Variants in CDKAL1 observed in about 807,000 individuals in gnomAD.
CDKAL1 encodes CDKAL1 threonylcarbamoyladenosine tRNA methylthiotransferase, also known as threonylcarbamoyladenosine tRNA methylthiotransferase.
Under a neutral mutation model 68.2 loss-of-function variants are expected in CDKAL1, and 32 were observed. That is an observed-to-expected ratio of 0.47 (90% CI 0.35 to 0.63). The LOEUF is 0.63. CDKAL1 is among the 30% of genes least tolerant of loss of function. CDKAL1 has a pLI of 0.00. For synonymous variants in CDKAL1, 234 were observed against 244.3 expected (o/e 0.96, Z 0.39); for missense variants, 606 against 696.7 (o/e 0.87, Z 1.47).
chr6:20,890,737 TG>T (rs1339441561), intron 9 of CDKAL1, among the ~76,000 whole-genome samples: 1 of 152,192 alleles, frequency 6.6e-6, no homozygotes. Context: ...TTTTAATTAG[TG>T]CATCAGGCGA....
intron 7 of CDKAL1, among the ~76,000 whole-genome samples, chr6:20,772,173 T>C (rs1293808761): frequency 2.6e-5 from 4 of 152,250 alleles, no homozygotes; most frequent in Admixed American, 6.5e-5. Flanking sequence ...GAAATCGTTA[T>C]GTTCTGTATT....
At chr6:20,638,552 T>G (rs1418209051) in intron 4 of CDKAL1, among the ~76,000 whole-genome samples, 3 of 152,114 alleles carry the variant, frequency 2.0e-5, no homozygotes, top group African/African-American at 4.8e-5. Flanking sequence ...ATTTGGTGTT[T>G]ATATAGGCTC....
chr6:20,688,941 G>A (rs1770752109), intron 5 of CDKAL1, among the ~76,000 whole-genome samples: 1 of 152,188 alleles, frequency 6.6e-6, no homozygotes, highest in African/African-American at 2.4e-5. Context: ...CAGTCCTTTA[G>A]TAAGCCTGTG....
At chr6:20,967,445 ACT>A (rs1354424706) in intron 10 of CDKAL1, among the ~76,000 whole-genome samples, 5 of 151,998 alleles carry the variant, frequency 3.3e-5, no homozygotes, top group South Asian at 2.1e-4. Flanking sequence ...AATTTATAAC[ACT>A]CTTATTTTGA....
At position 20,637,485 on chromosome 6, in the gene CDKAL1, C is replaced by A. The variant is rs566098284; in HGVS notation, c.287-11808C>A. Among the ~76,000 whole-genome samples the A allele has an allele frequency of 6.6e-5, 10 of 152,076 alleles. No individual in the cohort carries two copies. In the East Asian group the frequency reaches 1.9e-3, roughly 29 times the overall value. ...GGCTGAGGCAGGAGAATCGCTTGAA[C>A]CTGGGAGGCAGAGGTTGCACTGAGC... On this transcript the variant is annotated intron_variant, in intron 4 of 15. Coordinates refer to ENST00000274695, the MANE Select transcript of CDKAL1 (RefSeq NM_017774.3).
intron 8 of CDKAL1, among the ~76,000 whole-genome samples, chr6:20,842,276 ATCTCT>A (rs1186045997): frequency 6.6e-6 from 1 of 152,130 alleles, no homozygotes; most frequent in African/African-American, 2.4e-5. Flanking sequence ...ATTATAACAA[ATCTCT>A]TCTTTTTAAA....
At chr6:20,941,800 T>C (rs772267518) in intron 9 of CDKAL1, among the ~76,000 whole-genome samples, 1 of 152,200 alleles carries the variant, frequency 6.6e-6, no homozygotes, top group Non-Finnish European at 1.5e-5. Flanking sequence ...TCATTGAAGT[T>C]GTTGGTTTAT....
At chr6:20,995,815 T>C (rs997541269) in intron 10 of CDKAL1, among the ~76,000 whole-genome samples, 1 of 152,220 alleles carries the variant, frequency 6.6e-6, no homozygotes, top group African/African-American at 2.4e-5. Context: ...TCTGAAGCTT[T>C]GAAGCATTGC....
At chr6:20,681,647 G>A (rs1581375075) in intron 5 of CDKAL1, among the ~76,000 whole-genome samples, 1 of 152,116 alleles carries the variant, frequency 6.6e-6, no homozygotes, top group South Asian at 2.1e-4. Flanking sequence ...TTAGTAGATG[G>A]TCTTGGTGGG....
chr6:20,980,866 C>G (rs1432184019), intron 10 of CDKAL1, among the ~76,000 whole-genome samples: 1 of 152,174 alleles, frequency 6.6e-6, no homozygotes, highest in African/African-American at 2.4e-5. Context: ...TAAAAATACT[C>G]TCACCGCCGC....
Position 21,205,470 on chromosome 6 carries a change from C to CTTTTGTTTTGTTTTGTTTTG in CDKAL1, c.1548+4202_1548+4221dup, listed in dbSNP as rs113246770. Among the ~76,000 whole-genome samples the CTTTTGTTTTGTTTTGTTTTG allele has an allele frequency of 6.9e-3, 1,055 of 151,942 alleles. 11 individuals are homozygous for CTTTTGTTTTGTTTTGTTTTG. The highest frequency in any genetic ancestry group is 0.024 in the African/African-American group (983 of 41,396). On this transcript the variant is annotated intron_variant, in intron 15 of 15. Transcript: ENST00000274695. The stretch of plus-strand genomic sequence containing the variant: ...ACATTCACACCAACACTTATTTTCT[C>CTTTTGTTTTGTTTTGTTTTG]TTTTGTTTTGTTTTGTTTTGTTTTG...
chr6:20,763,750 T>C (rs1417012287), intron 7 of CDKAL1, among the ~76,000 whole-genome samples: 1 of 152,208 alleles, frequency 6.6e-6, no homozygotes, highest in Non-Finnish European at 1.5e-5. Context: ...TTAACTCTAT[T>C]GTAATTAACA....
chr6:20,914,071 C>T lies in CDKAL1; in HGVS notation c.743-41348C>T, dbSNP rs551464905. The stretch of plus-strand genomic sequence containing the variant: ...TTGGGAGGCCGAGGCAGGCAGATCA[C>T]GAGGCCAGGAGCTCGAGACCACCCT... On this transcript the variant is annotated intron_variant, in intron 9 of 15. Coordinates refer to ENST00000274695, the MANE Select transcript of CDKAL1 (RefSeq NM_017774.3). Among the ~76,000 whole-genome samples the T allele has an allele frequency of 1.2e-4, 18 of 152,198 alleles. No individual in the cohort carries two copies. The East Asian group carries it at 2.7e-3, about 23-fold the overall frequency.
chr6:20,898,018 T>G (rs9358376), intron 9 of CDKAL1, among the ~76,000 whole-genome samples: 86,304 of 151,886 alleles, frequency 0.57, 25,572 homozygotes, highest in Non-Finnish European at 0.66. Context: ...AAAATGTTGC[T>G]GCCCTTTAGG....
intron 10 of CDKAL1, among the ~76,000 whole-genome samples, chr6:20,987,497 C>T (rs545490724): frequency 1.4e-4 from 22 of 152,110 alleles, no homozygotes; most frequent in Middle Eastern, 3.4e-3. Context: ...TCAAGTGATC[C>T]GCCCACCTCA....
At chr6:21,158,942 A>T (rs1455891064) in intron 13 of CDKAL1, among the ~76,000 whole-genome samples, 1 of 152,134 alleles carries the variant, frequency 6.6e-6, no homozygotes, top group Non-Finnish European at 1.5e-5. Context: ...CATGTGTATA[A>T]TTATACATGA....
intron 15 of CDKAL1, among the ~76,000 whole-genome samples, chr6:21,211,527 A>G (rs1779146800): frequency 6.6e-6 from 1 of 152,150 alleles, no homozygotes; most frequent in Non-Finnish European, 1.5e-5. Flanking sequence ...CAGGGACCCA[A>G]GTTGACTGCA....
chr6:20,618,484 TG>T (rs1366994203), intron 4 of CDKAL1, among the ~76,000 whole-genome samples: 4 of 152,222 alleles, frequency 2.6e-5, no homozygotes, highest in Admixed American at 1.3e-4. Context: ...GTGAAGTCCT[TG>T]CCCATGCCTA....
intron 4 of CDKAL1, among the ~76,000 whole-genome samples, chr6:20,625,750 A>G (rs994821766): frequency 6.6e-6 from 1 of 152,132 alleles, no homozygotes; most frequent in Non-Finnish European, 1.5e-5. Flanking sequence ...CTCAACATAA[A>G]ACAGATTTTG....
Sources: allele counts gnomAD v4.1 joint callset (sites outside exome capture counted in the v4.1 genomes callset), GRCh38; gene constraint gnomAD v4.1.1; transcripts MANE v1.5; gene names NCBI Gene and HGNC (gene_info 2026-07-23, HGNC 2026-07-21).